The following ATRX variants were observed in gnomAD, a reference collection of about 807,000 sequenced individuals.
The protein encoded by ATRX is chromatin remodeler ATRX.
A neutral mutation model predicts 172.6 loss-of-function variants in ATRX; 12 were observed. That is an observed-to-expected ratio of 0.07 (90% CI 0.04 to 0.11). The LOEUF is 0.11. ATRX is among the 10% of genes least tolerant of loss of function. ATRX has a pLI of 1.00. For missense variants in ATRX, 1,368 were observed against 1,767.4 expected, an observed-to-expected ratio of 0.77 and a Z score of 4.05; for synonymous variants, 674 against 594.7, an observed-to-expected ratio of 1.13 and a Z score of -1.94.
intron 19 of ATRX, among the ~76,000 whole-genome samples, chrX:77,622,462 G>GA (rs1209224804): frequency 9.0e-6 from 1 of 111,687 alleles, no homozygotes; most frequent in African/African-American, 3.3e-5. Flanking sequence ...GGAAGTAGCA[G>GA]AAAGGCACTG....
intron 12 of ATRX, among the ~76,000 whole-genome samples, chrX:77,658,487 G>C (rs2069674999): frequency 8.9e-6 from 1 of 112,010 alleles, no homozygotes; most frequent in Admixed American, 9.5e-5. Context: ...TTGAATCATA[G>C]AGCAGAAAGA....
In ATRX at chrX:77,618,998, T is replaced by C; in HGVS notation, c.5273-17A>G. 1 of 1,096,795 alleles carries C rather than the reference T, an allele frequency of 9.1e-7. No individual in the cohort carries two copies. Among genetic ancestry groups the C allele is most frequent in the Non-Finnish European group, 1.3e-6 (1 of 796,698 alleles). 90.4% of individuals were successfully genotyped at this position (1,096,795 alleles called of 1,213,427 possible). ...TACAATGATCTAAGAGAGAAGACATTATTCATTAACAACATTAACAATCGT... is the reference window on the plus strand; with the variant it reads ...TACAATGATCTAAGAGAGAAGACATCATTCATTAACAACATTAACAATCGT... On this transcript the variant is annotated splice_polypyrimidine_tract_variant and intron_variant, in intron 20 of 34. Transcript: ENST00000373344.
chrX:77,627,250 A>T (rs1345199197), intron 19 of ATRX, among the ~76,000 whole-genome samples: 1 of 111,688 alleles, frequency 9.0e-6, no homozygotes, highest in Admixed American at 9.4e-5. Flanking sequence ...AAAATTAAAT[A>T]AAATAAAAAT....
At chrX:77,598,436 G>A (rs1557085150) in intron 25 of ATRX, among the ~76,000 whole-genome samples, 1 of 111,342 alleles carries the variant, frequency 9.0e-6, no homozygotes, top group Non-Finnish European at 1.9e-5. Context: ...GAATATAAAA[G>A]TTGAAATTAT....
intron 19 of ATRX, among the ~76,000 whole-genome samples, chrX:77,624,903 A>G (rs1226435775): frequency 8.9e-6 from 1 of 111,821 alleles, no homozygotes; most frequent in Non-Finnish European, 1.9e-5. Flanking sequence ...TCTAAAATTC[A>G]TATGGAACCA....
chrX:77,741,443 G>T (rs1163564378), intron 1 of ATRX, among the ~76,000 whole-genome samples: 3 of 107,927 alleles, frequency 2.8e-5, no homozygotes, highest in African/African-American at 1.0e-4. Flanking sequence ...TTTTTTTTGG[G>T]GGGGGGATTG....
chrX:77,717,165 A>C lies in ATRX; in HGVS notation c.99T>G (p.Ser33Arg). ...GATTCATTGCAAGTCGTGGAGGAGA[A>C]CTTGTTTCTTCAGATTCTTCTGATG... ...AHSSEESEETSSPPRLAMNQN... is the reference protein window; with the variant it reads ...AHSSEESEETRSPPRLAMNQN... Residue 33 changes from serine to arginine, a missense_variant, in exon 2 of 35, where the codon AGT becomes AGG. By Grantham distance (110) the Ser-to-Arg change is moderately radical (BLOSUM62 -1). Around this residue, in one of 17 missense-constraint regions of ATRX, gnomAD observed 84 missense variants for 82.8 expected, o/e 1.01. Coordinates refer to ENST00000373344, the MANE Select transcript of ATRX (RefSeq NM_000489.6). 2 of 1,210,392 alleles carry C rather than the reference A, an allele frequency of 1.7e-6. No homozygotes were observed. The highest frequency in any genetic ancestry group is 2.2e-6 in the Non-Finnish European group (2 of 894,174).
At chrX:77,761,579 T>C (rs782252918) in intron 1 of ATRX, among the ~76,000 whole-genome samples, 11 of 111,440 alleles carry the variant, frequency 9.9e-5, no homozygotes, top group Non-Finnish European at 1.3e-4. Context: ...TGTTTTGATA[T>C]ACATATACAT....
At chrX:77,618,204 G>C (rs1412801193) in intron 21 of ATRX, among the ~76,000 whole-genome samples, 1 of 112,100 alleles carries the variant, frequency 8.9e-6, no homozygotes, top group Non-Finnish European at 1.9e-5. Flanking sequence ...GCTATCATCA[G>C]TACCTAACAT....
intron 34 of ATRX, among the ~76,000 whole-genome samples, chrX:77,513,710 C>A (rs1446231858): frequency 2.7e-5 from 3 of 111,443 alleles, no homozygotes; most frequent in African/African-American, 9.8e-5. Context: ...GACAAGGATG[C>A]CCTCTATCAC....
chrX:77,765,796 G>A (rs2075890265), intron 1 of ATRX, among the ~76,000 whole-genome samples: 1 of 108,954 alleles, frequency 9.2e-6, no homozygotes, highest in Admixed American at 9.9e-5. Context: ...AGATAAACAA[G>A]TGAACAAAGG....
At chrX:77,580,725 A>C (rs948977666) in intron 27 of ATRX, among the ~76,000 whole-genome samples, 14 of 112,026 alleles carry the variant, frequency 1.2e-4, no homozygotes, top group African/African-American at 4.2e-4. Flanking sequence ...TAAAGGTACA[A>C]AACTCACTAA....
rs1254396075 is a variant in ATRX, at chrX:77,616,294, A to T, written c.5566+319T>A. The T allele has an allele frequency of 1.2e-5, 11 of 898,872 alleles. No individual in the cohort carries two copies. The South Asian group carries it at 1.5e-4, about 12-fold the overall frequency. 74.1% of individuals were successfully genotyped at this position (898,872 alleles called of 1,213,427 possible). A position where few individuals can be genotyped will look rare whatever the true frequency, so the allele number is the denominator to read the frequency against. On this transcript the variant is annotated intron_variant, in intron 22 of 34. Coordinates refer to ENST00000373344, the MANE Select transcript of ATRX (RefSeq NM_000489.6). ...TTATTAATGTGGGTAAATACTTTTT[A>T]AAAAAATACTCTGGAATTTTGTATA...
At chrX:77,629,963 C>T (rs192615190) in intron 19 of ATRX, among the ~76,000 whole-genome samples, 26 of 112,248 alleles carry the variant, frequency 2.3e-4, no homozygotes, top group Admixed American at 1.9e-3. Context: ...AAATCGCGTG[C>T]GTGCGCGCGC....
chrX:77,757,603 A>G (rs1257264353), intron 1 of ATRX, among the ~76,000 whole-genome samples: 1 of 112,132 alleles, frequency 8.9e-6, no homozygotes, highest in Non-Finnish European at 1.9e-5. Flanking sequence ...TGGGTAAGCA[A>G]TAACATAGTT....
intron 1 of ATRX, among the ~76,000 whole-genome samples, chrX:77,779,024 T>C (rs1557204277): frequency 9.3e-6 from 1 of 107,508 alleles, no homozygotes; most frequent in African/African-American, 3.4e-5. Flanking sequence ...GCCTCCCAGG[T>C]TCACGAAGTT....
At chrX:77,545,686 C>T (rs182005265) in intron 30 of ATRX, among the ~76,000 whole-genome samples, 45 of 111,469 alleles carry the variant, frequency 4.0e-4, no homozygotes, top group African/African-American at 1.1e-3. Context: ...GCTAGAAGAG[C>T]AGGCATTCAG....
intron 19 of ATRX, among the ~76,000 whole-genome samples, chrX:77,628,474 T>C (rs1019559919): frequency 8.9e-5 from 10 of 112,563 alleles, no homozygotes; most frequent in African/African-American, 2.6e-4. Context: ...CAGTGTTACA[T>C]TGCCACCTAT....
At chrX:77,673,534 T>A (rs1483980503) in intron 10 of ATRX, among the ~76,000 whole-genome samples, 1 of 111,295 alleles carries the variant, frequency 9.0e-6, no homozygotes, top group Non-Finnish European at 1.9e-5. Context: ...TAATATTCTG[T>A]CCTTGTTCAT....
Sources: gnomAD v4.1 joint callset for allele counts (sites outside exome capture counted in the v4.1 genomes callset) on GRCh38, gnomAD v4.1.1 for gene constraint, gnomAD v4.1.1 regional missense constraint, MANE v1.5 for transcripts, NCBI Gene and HGNC (gene_info 2026-07-23, HGNC 2026-07-21) for gene names.